PITPNC1: variants seen among roughly 807,000 people sequenced by gnomAD.
PITPNC1 encodes the protein phosphatidylinositol transfer protein cytoplasmic 1.
In PITPNC1, 18 loss-of-function variants were observed where a neutral mutation model predicts 44.7. The observed-to-expected ratio is 0.40, with a 90% confidence interval of 0.28 to 0.60. The LOEUF is 0.60. PITPNC1 is among the 20% of genes least tolerant of loss of function. PITPNC1 has a pLI of 0.39. For missense variants in PITPNC1, 290 were observed against 418.4 expected (o/e 0.69, Z 2.68); for synonymous variants, 141 against 149.6 (o/e 0.94, Z 0.42).
chr17:67,464,811 C>G (rs1598701757), intron 1 of PITPNC1, among the ~76,000 whole-genome samples: 1 of 151,642 alleles, frequency 6.6e-6, no homozygotes, highest in East Asian at 1.9e-4. Flanking sequence ...GCAATCTCCT[C>G]TCACCGCAAT....
intron 1 of PITPNC1, among the ~76,000 whole-genome samples, chr17:67,521,056 C>A (rs1314833109): frequency 6.6e-6 from 1 of 152,168 alleles, no homozygotes; most frequent in African/African-American, 2.4e-5. Context: ...TGTTACTCTC[C>A]TGTACTCAGT....
intron 1 of PITPNC1, among the ~76,000 whole-genome samples, chr17:67,482,424 T>G (rs1343759684): frequency 6.6e-6 from 1 of 152,206 alleles, no homozygotes; most frequent in East Asian, 1.9e-4. Context: ...ACACATTACC[T>G]CCTTCACAAT....
intron 7 of PITPNC1, among the ~76,000 whole-genome samples, chr17:67,671,130 T>C (rs958613562): frequency 6.6e-6 from 1 of 152,098 alleles, no homozygotes; most frequent in Non-Finnish European, 1.5e-5. Context: ...TCCTGATCTA[T>C]CTGCCTCGGC....
rs900429289 is a variant in PITPNC1 at position 67,394,286 on chromosome 17, C to G, written c.48+16084C>G. On this transcript the variant is annotated intron_variant, in intron 1 of 8. Coordinates refer to ENST00000581322, the MANE Select transcript of PITPNC1 (RefSeq NM_012417.4). ...TCAAGTGATCCTCCCGCCTTAACCT[C>G]CTAAAGTGCTGGGATTACAGGCATG... 5.3e-5 allele frequency among the ~76,000 whole-genome samples: 8 copies of G among 152,264 alleles called. No homozygotes were observed. The South Asian group carries it at 1.0e-3, about 20-fold the overall frequency.
chr17:67,599,034 A>ATATATTTTTT (rs1461493250), intron 5 of PITPNC1, among the ~76,000 whole-genome samples: 4 of 35,686 alleles, frequency 1.1e-4, no homozygotes, highest in African/African-American at 3.4e-4. Context: ...ATATATATAT[A>ATATATTTTTT]TTTTTTTTTT....
intron 5 of PITPNC1, among the ~76,000 whole-genome samples, chr17:67,628,304 T>C (rs148031717): frequency 3.5e-4 from 54 of 152,268 alleles, no homozygotes; most frequent in African/African-American, 1.3e-3. Context: ...TGGTAACCTC[T>C]CAAGGGCTAT....
chr17:67,548,749 C>A (rs1206479580), intron 2 of PITPNC1, among the ~76,000 whole-genome samples: 1 of 152,006 alleles, frequency 6.6e-6, no homozygotes, highest in African/African-American at 2.4e-5. Context: ...GTGAGATGGG[C>A]CATTGGAGGT....
At chr17:67,474,037 T>A (rs1434511485) in intron 1 of PITPNC1, among the ~76,000 whole-genome samples, 1 of 152,198 alleles carries the variant, frequency 6.6e-6, no homozygotes, top group Non-Finnish European at 1.5e-5. Context: ...GTTTTTAAGA[T>A]GGGAAAATGG....
intron 2 of PITPNC1, among the ~76,000 whole-genome samples, chr17:67,544,651 CT>C (rs1259666517): frequency 1.3e-5 from 2 of 152,240 alleles, no homozygotes; most frequent in African/African-American, 4.8e-5. Context: ...GTCTCCTGGC[CT>C]CTGATGGCTT....
At position 67,494,179 on chromosome 17, in the gene PITPNC1, C is replaced by CTT. The variant is rs1382361083; in HGVS notation, c.49-38621_49-38620dup. Among the ~76,000 whole-genome samples, 39 of 66,038 alleles carry CTT rather than the reference C, an allele frequency of 5.9e-4. 2 individuals are homozygous for CTT. Among genetic ancestry groups the CTT allele is most frequent in the South Asian group, 1.8e-3 (3 of 1,630 alleles). 43.3% of individuals were successfully genotyped at this position (66,038 alleles called of 152,430 possible). A position where few individuals can be genotyped will look rare whatever the true frequency, so the allele number is the denominator to read the frequency against. On this transcript the variant is annotated intron_variant, in intron 1 of 8. Transcript: ENST00000581322. Reference sequence around the variant, plus strand: ...GTGTAACCTCTTTCTTTCTTTCTTTCTTTCTTTTTCTTTCTTTCTTTCTTT... The same window carrying CTT: ...GTGTAACCTCTTTCTTTCTTTCTTTCTTTTTCTTTTTCTTTCTTTCTTTCTTT...
At chr17:67,640,671 ACT>A (rs2042082778) in intron 6 of PITPNC1, among the ~76,000 whole-genome samples, 2 of 113,088 alleles carry the variant, frequency 1.8e-5, no homozygotes, top group South Asian at 6.2e-4. Context: ...ACAGAGCGAG[ACT>A]CTGTTGAAAA....
chr17:67,647,462 G>GTTTTTT lies in PITPNC1; in HGVS notation c.462+15224_462+15225insTTTTTT, dbSNP rs1491334449. 2.9e-3 allele frequency among the ~76,000 whole-genome samples: 275 copies of GTTTTTT among 96,260 alleles called. 3 individuals are homozygous for GTTTTTT. The highest frequency in any genetic ancestry group is 0.014 in the African/African-American group (261 of 18,780). The allele number at this position is 96,260 out of a possible 152,430, so 63.2% of individuals were successfully genotyped here. On this transcript the variant is annotated intron_variant, in intron 6 of 8. Coordinates refer to ENST00000581322, the MANE Select transcript of PITPNC1 (RefSeq NM_012417.4). Reference sequence around the variant, plus strand: ...CACACCATCACACCCAGCTAATTTTGGGTTTTTTTTTTTTTTTTTTTTTTT... The same window carrying GTTTTTT: ...CACACCATCACACCCAGCTAATTTTGTTTTTTGGTTTTTTTTTTTTTTTTTTTTTTT...
Position 67,629,315 on chromosome 17 carries a change from C to A in PITPNC1, c.367-2828C>A, listed in dbSNP as rs142756160. ...TGAGACAGAGTCTCACTCTGTCGACCAGGCTGGAGTGCAGTGGCACGATCT... is the reference window on the plus strand; with the variant it reads ...TGAGACAGAGTCTCACTCTGTCGACAAGGCTGGAGTGCAGTGGCACGATCT... On this transcript the variant is annotated intron_variant, in intron 5 of 8. Coordinates refer to ENST00000581322, the MANE Select transcript of PITPNC1 (RefSeq NM_012417.4). Among the ~76,000 whole-genome samples the A allele has an allele frequency of 8.4e-3, 1,217 of 144,940 alleles. 18 individuals are homozygous for A. Among genetic ancestry groups the A allele is most frequent in the African/African-American group, 0.029 (1,130 of 39,370 alleles).
intron 1 of PITPNC1, among the ~76,000 whole-genome samples, chr17:67,425,175 C>T (rs111568138): frequency 4.4e-4 from 61 of 138,332 alleles, no homozygotes; most frequent in South Asian, 9.4e-4. Context: ...GTGAAATAAA[C>T]AGCCATGTTG....
At chr17:67,432,165 T>C (rs1297889970) in intron 1 of PITPNC1, among the ~76,000 whole-genome samples, 1 of 152,198 alleles carries the variant, frequency 6.6e-6, no homozygotes, top group East Asian at 1.9e-4. Flanking sequence ...TTGGGCCACA[T>C]TGGAAGAATT....
In PITPNC1 at chr17:67,418,241, T is replaced by C. The variant is rs1289722158; in HGVS notation, c.48+40039T>C. On this transcript the variant is annotated intron_variant, in intron 1 of 8. Coordinates refer to ENST00000581322, the MANE Select transcript of PITPNC1 (RefSeq NM_012417.4). ...TATATAAAGCTCCCAATACCTATTT[T>C]TATTGGAGACCAAATTTCTAACTTG... Among the ~76,000 whole-genome samples, 3 of 152,186 alleles carry C rather than the reference T, an allele frequency of 2.0e-5. No homozygotes were observed. The East Asian group carries it at 5.8e-4, about 29-fold the overall frequency.
At chr17:67,609,634 T>C (rs2041661618) in intron 5 of PITPNC1, among the ~76,000 whole-genome samples, 1 of 152,096 alleles carries the variant, frequency 6.6e-6, no homozygotes, top group Admixed American at 6.5e-5. Flanking sequence ...CAGCTGCCTG[T>C]GCTGAAAAGT....
Position 67,591,978 on chromosome 17 carries a change from G to C in PITPNC1, c.366+13721G>C, listed in dbSNP as rs571612257. ...TCCTCCCACCCCAGCCTCCCAAAGT[G>C]CTGGCATTATAGGAGTGAGTCACCA... On this transcript the variant is annotated intron_variant, in intron 5 of 8. Coordinates refer to ENST00000581322, the MANE Select transcript of PITPNC1 (RefSeq NM_012417.4). Among the ~76,000 whole-genome samples the C allele has an allele frequency of 2.0e-5, 3 of 151,288 alleles. No individual in the cohort carries two copies. In the South Asian group the frequency reaches 6.2e-4, roughly 31 times the overall value.
In PITPNC1 at chr17:67,535,550, GTCATA is replaced by G. The variant is rs200464813; in HGVS notation, c.197+2607_197+2611del. 8.2e-3 allele frequency among the ~76,000 whole-genome samples: 1,254 copies of G among 152,212 alleles called. 11 individuals are homozygous for G. Among genetic ancestry groups the G allele is most frequent in the African/African-American group, 0.029 (1,194 of 41,522 alleles). Reference sequence around the variant, plus strand: ...CAGCTCTCCCTGTCATGTCTGTTTTGTCATATCATATTTATATCATATTTATTTAA... The same window carrying G: ...CAGCTCTCCCTGTCATGTCTGTTTTGTCATATTTATATCATATTTATTTAA... On this transcript the variant is annotated intron_variant, in intron 2 of 8. Transcript: ENST00000581322.
Sources: allele counts gnomAD v4.1 joint callset (sites outside exome capture counted in the v4.1 genomes callset), GRCh38; gene constraint gnomAD v4.1.1; transcripts MANE v1.5; gene names NCBI Gene and HGNC (gene_info 2026-07-23, HGNC 2026-07-21).